Variants in MEGF10 observed in about 807,000 individuals in gnomAD.
MEGF10 encodes the protein multiple epidermal growth factor-like domains protein 10.
In MEGF10, 86 loss-of-function variants were observed where a neutral mutation model predicts 147.5. The observed-to-expected ratio is 0.58, with a 90% CI of 0.49 to 0.70. The LOEUF (loss-of-function observed/expected upper bound fraction) is 0.70. MEGF10 is among the 30% of genes least tolerant of loss of function. MEGF10 has a pLI of 0.00. For missense variants in MEGF10, 1,329 were observed against 1,487.3 expected (o/e 0.89, Z 1.75); for synonymous variants, 478 against 525.5 (o/e 0.91, Z 1.24).
the MEGF10 span, among the ~76,000 whole-genome samples, chr5:127,257,980 C>T: frequency 1.3e-5 from 2 of 152,054 alleles, no homozygotes; most frequent in African/African-American, 2.4e-5. Context: ...ATCAAGTGCT[C>T]AACTAAAGAA....
intron 4 of MEGF10, among the ~76,000 whole-genome samples, chr5:127,363,717 T>A (rs939529240): frequency 6.6e-6 from 1 of 152,150 alleles, no homozygotes; most frequent in East Asian, 1.9e-4. Context: ...TGCCCTTAAA[T>A]GACACGAAAG....
chr5:127,413,896 G>A (rs1267833013), intron 9 of MEGF10, among the ~76,000 whole-genome samples: 1 of 152,142 alleles, frequency 6.6e-6, no homozygotes, highest in Admixed American at 6.6e-5. Context: ...CTCTTGCTTT[G>A]TTGAATTCAT....
At chr5:127,361,762 C>G (rs1032896117) in intron 4 of MEGF10, among the ~76,000 whole-genome samples, 2 of 151,992 alleles carry the variant, frequency 1.3e-5, no homozygotes, top group Admixed American at 6.6e-5. Context: ...ATTAATATAT[C>G]TTTTGATTTC....
chr5:127,308,416 G>A (rs976799493), intron 1 of MEGF10, among the ~76,000 whole-genome samples: 16 of 152,072 alleles, frequency 1.1e-4, no homozygotes, highest in Non-Finnish European at 2.2e-4. Flanking sequence ...GGCTATCATC[G>A]AGAGCTGGAA....
chr5:127,362,654 G>T (rs566527156), intron 4 of MEGF10, among the ~76,000 whole-genome samples: 1 of 152,156 alleles, frequency 6.6e-6, no homozygotes, highest in East Asian at 1.9e-4. Context: ...GTGACCCACC[G>T]CACCCGGCCA....
intron 22 of MEGF10, among the ~76,000 whole-genome samples, chr5:127,453,317 A>C (rs1318358370): frequency 2.0e-5 from 3 of 152,182 alleles, no homozygotes; most frequent in Non-Finnish European, 4.4e-5. Flanking sequence ...TTGGCCTCCC[A>C]AAGTCCTGGG....
chr5:127,365,175 T>C (rs945269452), intron 4 of MEGF10, among the ~76,000 whole-genome samples: 1 of 152,240 alleles, frequency 6.6e-6, no homozygotes, highest in Non-Finnish European at 1.5e-5. Flanking sequence ...TTCTGTTGGA[T>C]AATTGTTCCT....
chr5:127,246,605 A>T, the MEGF10 span, among the ~76,000 whole-genome samples: 31 of 148,394 alleles, frequency 2.1e-4, no homozygotes, highest in African/African-American at 5.4e-4. Context: ...AAGTATAATT[A>T]AAAAAAAAAT....
Position 127,446,619 on chromosome 5 carries a change from G to C in MEGF10, c.2728+926G>C, listed in dbSNP as rs182190936. Among the ~76,000 whole-genome samples the C allele has an allele frequency of 2.8e-3, 427 of 152,316 alleles. 4 individuals are homozygous for C. The highest frequency in any genetic ancestry group is 9.8e-3 in the African/African-American group (406 of 41,572). On this transcript the variant is annotated intron_variant, in intron 20 of 24. Coordinates refer to ENST00000503335, the MANE Select transcript of MEGF10 (RefSeq NM_001256545.2). ...TTCCAGTGAACGGTTTGCAAACCCA[G>C]GAGTTGCAGCCAGTGTAAAATGAAA...
intron 4 of MEGF10, among the ~76,000 whole-genome samples, chr5:127,365,945 G>T (rs1387033621): frequency 6.6e-6 from 1 of 152,114 alleles, no homozygotes; most frequent in Non-Finnish European, 1.5e-5. Context: ...TTATATCTCT[G>T]CTACTGAACA....
chr5:127,247,839 G>T, the MEGF10 span, among the ~76,000 whole-genome samples: 2 of 152,086 alleles, frequency 1.3e-5, no homozygotes, highest in Admixed American at 1.3e-4. Context: ...GCTGGAATTT[G>T]CAGGGTAGGA....
At chr5:127,414,996 C>G (rs1227323992) in intron 9 of MEGF10, among the ~76,000 whole-genome samples, 1 of 151,636 alleles carries the variant, frequency 6.6e-6, no homozygotes, top group African/African-American at 2.4e-5. Context: ...GAAAGACAAA[C>G]TGGAGAGAGA....
At position 127,445,271 on chromosome 5, in the gene MEGF10, C is replaced by G. The variant is rs999896261; in HGVS notation, c.2492-186C>G. ...AGGCTTACAGCAGCCTTTCTCTGGGCATGGATAGGCCGACAACATCTGACA... is the reference window on the plus strand; with the variant it reads ...AGGCTTACAGCAGCCTTTCTCTGGGGATGGATAGGCCGACAACATCTGACA... On this transcript the variant is annotated intron_variant, in intron 19 of 24. Transcript: ENST00000503335. 2.5e-5 allele frequency: 15 copies of G among 596,730 alleles called. No homozygotes were observed. The African/African-American group carries it at 2.6e-4, about 10-fold the overall frequency. The allele number at this position is 596,730 out of a possible 1,614,324, so 37.0% of individuals were successfully genotyped here.
intron 4 of MEGF10, among the ~76,000 whole-genome samples, chr5:127,364,739 T>A (rs1399534309): frequency 6.6e-6 from 1 of 152,164 alleles, no homozygotes; most frequent in African/African-American, 2.4e-5. Flanking sequence ...CTCTGTTTGC[T>A]TCTTTCTCCT....
intron 5 of MEGF10, among the ~76,000 whole-genome samples, chr5:127,382,842 A>G (rs1324592164): frequency 1.3e-5 from 2 of 152,358 alleles, no homozygotes; most frequent in South Asian, 2.1e-4. Context: ...GAACATGACA[A>G]TATGCTAATC....
chr5:127,433,579 T>C, intron 14 of MEGF10, 70 bp downstream of exon 14: 1 of 1,510,826 alleles, frequency 6.6e-7, no homozygotes, highest in Middle Eastern at 1.8e-4. Context: ...TAATGATCTC[T>C]GTCCCACCTC....
chr5:127,407,850 T>C (rs897333066), intron 8 of MEGF10, among the ~76,000 whole-genome samples: 1 of 152,186 alleles, frequency 6.6e-6, no homozygotes, highest in Admixed American at 6.5e-5. Flanking sequence ...ATGGAGAATA[T>C]ATACTTCTAG....
intron 4 of MEGF10, among the ~76,000 whole-genome samples, chr5:127,369,280 C>T (rs575190392): frequency 5.3e-5 from 8 of 152,168 alleles, no homozygotes; most frequent in Non-Finnish European, 1.0e-4. Flanking sequence ...CAGTGATGCC[C>T]CTTTTGTCTC....
intron 8 of MEGF10, among the ~76,000 whole-genome samples, chr5:127,403,112 G>T (rs1025564794): frequency 2.0e-5 from 3 of 152,004 alleles, no homozygotes; most frequent in African/African-American, 7.3e-5. Flanking sequence ...TCATTATATT[G>T]TGTGGTGGCG....
Sources: gnomAD v4.1 joint callset for allele counts (sites outside exome capture counted in the v4.1 genomes callset) on GRCh38, gnomAD v4.1.1 for gene constraint, MANE v1.5 for transcripts, NCBI Gene and HGNC (gene_info 2026-07-23, HGNC 2026-07-21) for gene names.